Variants in MED6 observed in about 807,000 individuals in gnomAD.
MED6 encodes mediator of RNA polymerase II transcription subunit 6.
MED6 carries 33 observed loss-of-function variants against 37.5 expected under a neutral mutation model. That is an observed-to-expected ratio of 0.88 (90% CI 0.67 to 1.18). The LOEUF is 1.18. MED6 is among the 50% of genes most tolerant of loss of function. The pLI, the probability that MED6 is intolerant of heterozygous loss-of-function variation, is 0.00. For synonymous variants in MED6, 94 were observed against 93.6 expected (o/e 1.00, Z -0.02); for missense variants, 235 against 290.6 (o/e 0.81, Z 1.39).
chr14:70,585,655 G>T (rs1157132565), intron 7 of MED6, 101 bp downstream of exon 7: 4 of 1,036,542 alleles, frequency 3.9e-6, no homozygotes, highest in South Asian at 2.3e-5. Context: ...GCTCTAGAAG[G>T]ACAAAATGAC....
chr14:70,585,034 C>T, intron 7 of MED6, 91 bp from the exon 8 acceptor site: 1 of 1,372,482 alleles, frequency 7.3e-7, no homozygotes, highest in Non-Finnish European at 1.0e-6. Flanking sequence ...TTTTCAAATT[C>T]ATTTTTAACT....
At chr14:70,600,493 C>A in intron 1 of MED6, 123 bp downstream of exon 1, 3 of 1,122,932 alleles carry the variant, frequency 2.7e-6, no homozygotes, top group Non-Finnish European at 3.9e-6. Flanking sequence ...GGGTTGTCCA[C>A]AAAAACCACT....
Position 70,596,596 on chromosome 14 carries a change from GTTTACACAT to G in MED6, c.274+6_274+14del. 1 of 1,588,086 alleles carries G rather than the reference GTTTACACAT, an allele frequency of 6.3e-7. No homozygotes were observed. The highest frequency in any genetic ancestry group is 8.6e-7 in the Non-Finnish European group (1 of 1,158,336). On this transcript the variant is annotated splice_donor_region_variant and intron_variant, in intron 3 of 7. Coordinates refer to ENST00000256379, the MANE Select transcript of MED6 (RefSeq NM_005466.4). The stretch of plus-strand genomic sequence containing the variant: ...TTTTAAAAAGAAAACAATGCCTAAA[GTTTACACAT>G]TTTACCTTGGGCAGGGGACTGCCGC...
Position 70,583,346 on chromosome 14 carries a change from T to C in MED6, c.*1467A>G, listed in dbSNP as rs980241543. 6.6e-6 allele frequency: 1 copy of C among 152,212 alleles called. No individual in the cohort carries two copies. The highest frequency in any genetic ancestry group is 2.4e-5 in the African/African-American group (1 of 41,458). The allele number at this position is 152,212 out of a possible 1,614,324, so 9.4% of individuals were successfully genotyped here. A position where few individuals can be genotyped will look rare whatever the true frequency, so the allele number is the denominator to read the frequency against. On this transcript the variant is annotated 3_prime_UTR_variant, in exon 8 of 8. Coordinates refer to ENST00000256379, the MANE Select transcript of MED6 (RefSeq NM_005466.4). ...AGAAAAAGATGAGAAATTCTTCAAC[T>C]ACTTTAAATACTAAAATACCACTTT...
intron 1 of MED6, among the ~76,000 whole-genome samples, chr14:70,599,160 G>A (rs1454349989): frequency 3.3e-5 from 5 of 152,048 alleles, no homozygotes; most frequent in Non-Finnish European, 2.9e-5. Context: ...ATTACCTCAG[G>A]CATCTTCAAA....
At chr14:70,596,558 A>G in intron 3 of MED6, 53 bp downstream of exon 3, 2 of 1,414,762 alleles carry the variant, frequency 1.4e-6, no homozygotes, top group Non-Finnish European at 2.0e-6. Flanking sequence ...CAGGAAGTAA[A>G]TAAATTATGG....
rs116002611 is a variant in MED6, at chr14:70,584,212, T to C, written c.*601A>G. The stretch of plus-strand genomic sequence containing the variant: ...TGCATCTGAAAAATATCAGTTATGA[T>C]GAAGAAAAAAGTCATGATGAAGCAA... On this transcript the variant is annotated 3_prime_UTR_variant, in exon 8 of 8. Transcript: ENST00000256379. The C allele has an allele frequency of 2.4e-3, 1,824 of 745,772 alleles. 23 individuals are homozygous for C. In the African/African-American group the frequency reaches 0.027, roughly 11 times the overall value. 46.2% of individuals were successfully genotyped at this position (745,772 alleles called of 1,614,324 possible). A position where few individuals can be genotyped will look rare whatever the true frequency, so the allele number is the denominator to read the frequency against.
At chr14:70,591,587 A>G (rs369868437) in intron 5 of MED6, 3 of 464,374 alleles carry the variant, frequency 6.5e-6, no homozygotes, top group East Asian at 8.6e-5. Flanking sequence ...AAATTCTAAC[A>G]TTTAAGCTGA....
chr14:70,599,250 T>C (rs949869462), intron 1 of MED6, among the ~76,000 whole-genome samples: 3 of 152,230 alleles, frequency 2.0e-5, no homozygotes, highest in African/African-American at 7.2e-5. Flanking sequence ...AGGTAAAATG[T>C]ACTTTGTGTG....
chr14:70,587,609 A>C (rs72719764), intron 6 of MED6, among the ~76,000 whole-genome samples: 3,433 of 152,322 alleles, frequency 0.023, 64 homozygotes, highest in Middle Eastern at 0.065. Flanking sequence ...GGACATTGGA[A>C]TAATGTCATT....
At chr14:70,586,877 T>C (rs1945673813) in intron 6 of MED6, among the ~76,000 whole-genome samples, 1 of 152,214 alleles carries the variant, frequency 6.6e-6, no homozygotes, top group African/African-American at 2.4e-5. Context: ...CTGCTATACT[T>C]AGAAAGGCCT....
At chr14:70,597,939 A>C in intron 1 of MED6, 162 bp from the exon 2 acceptor site, 1 of 454,098 alleles carries the variant, frequency 2.2e-6, no homozygotes, top group Non-Finnish European at 3.7e-6. Context: ...ATTATGCAAG[A>C]AAGCAATAAC....
rs34442774 is a variant in MED6, at chr14:70,599,466, TAA to T, written c.22+1148_22+1149del. On this transcript the variant is annotated intron_variant, in intron 1 of 7. Coordinates refer to ENST00000256379, the MANE Select transcript of MED6 (RefSeq NM_005466.4). ...CTGTTCCCAGCAGCCAATGTAGTCC[TAA>T]AAAAAAGTCAGATCACATCATTCCT... Among the ~76,000 whole-genome samples the T allele has an allele frequency of 8.0e-4, 121 of 151,982 alleles. 2 individuals are homozygous for T. The highest frequency in any genetic ancestry group is 4.2e-4 in the South Asian group (2 of 4,818).
At chr14:70,585,638 A>G (rs1388500247) in intron 7 of MED6, 118 bp downstream of exon 7, 5 of 773,128 alleles carry the variant, frequency 6.5e-6, no homozygotes, top group Non-Finnish European at 9.5e-6. Flanking sequence ...AATGAGACCC[A>G]GCCCCAGCTC....
chr14:70,597,429 T>C (rs562335553), intron 2 of MED6, among the ~76,000 whole-genome samples, 189 bp downstream of exon 2: 5 of 152,346 alleles, frequency 3.3e-5, no homozygotes, highest in Non-Finnish European at 5.9e-5. Flanking sequence ...TATGAAGTTA[T>C]ACAGAAAAGA....
Position 70,592,921 on chromosome 14 carries a change from G to A in MED6, c.425C>T (p.Ser142Phe). The A allele has an allele frequency of 6.2e-7, 1 of 1,613,932 alleles. No homozygotes were observed. The highest frequency in any genetic ancestry group is 8.5e-7 in the Non-Finnish European group (1 of 1,179,916). ...EAMSYCRYHP[S>F]KGYWWHFKDH... ...TTTGAAGTGCCACCAATACCCTTTG[G>A]AAGGATGATATCGACAGTATGACAT... Residue 142 changes from serine to phenylalanine, a missense_variant, in exon 5 of 8, where the codon TCC (serine) becomes TTC (phenylalanine). Transcript: ENST00000256379.
At chr14:70,599,423 T>C (rs1885140316) in intron 1 of MED6, among the ~76,000 whole-genome samples, 2 of 152,328 alleles carry the variant, frequency 1.3e-5, no homozygotes, top group Middle Eastern at 6.8e-3. Context: ...TTCCTAATTC[T>C]ACCCTTGCCC....
At chr14:70,588,896 T>G (rs576966083) in intron 6 of MED6, among the ~76,000 whole-genome samples, 2 of 152,182 alleles carry the variant, frequency 1.3e-5, no homozygotes, top group African/African-American at 2.4e-5. Flanking sequence ...TAAAGAGTTT[T>G]TATTTTAAGA....
chr14:70,591,246 A>T lies in MED6; in HGVS notation c.582+20T>A. ...ATAAAGAAGTGTCAAATCAAGATTA[A>T]CCACACATATTCTCATTACCTGCAC... is the stretch of plus-strand genomic sequence containing the variant. On this transcript the variant is annotated intron_variant, in intron 6 of 7. Coordinates refer to ENST00000256379, the MANE Select transcript of MED6 (RefSeq NM_005466.4). 2.6e-6 allele frequency: 4 copies of T among 1,549,400 alleles called. No homozygotes were observed. Among genetic ancestry groups the T allele is most frequent in the Non-Finnish European group, 3.6e-6 (4 of 1,126,216 alleles).
Sources: gnomAD v4.1 joint callset for allele counts (sites outside exome capture counted in the v4.1 genomes callset) on GRCh38, gnomAD v4.1.1 for gene constraint, MANE v1.5 for transcripts, NCBI Gene and HGNC (gene_info 2026-07-23, HGNC 2026-07-21) for gene names.